Variants in JARID2 observed in about 807,000 individuals in gnomAD.
The protein encoded by JARID2 is protein Jumonji.
JARID2 carries 21 observed loss-of-function variants against 125.6 expected under a neutral mutation model. The ratio of observed to expected loss-of-function variants is 0.17; its 90% CI spans 0.12 to 0.24. The LOEUF (loss-of-function observed/expected upper bound fraction) is 0.24, where lower values mean the gene tolerates loss of function less well. JARID2 is among the 10% of genes least tolerant of loss of function. JARID2 has a pLI of 1.00. For missense variants in JARID2, 1,303 were observed against 1,639.6 expected (o/e 0.79, Z 3.55); for synonymous variants, 736 against 661.6 (o/e 1.11, Z -1.73).
intron 1 of JARID2, among the ~76,000 whole-genome samples, chr6:15,356,562 T>C (rs1022176604): frequency 6.6e-6 from 1 of 152,190 alleles, no homozygotes; most frequent in African/African-American, 2.4e-5. Flanking sequence ...ATTTTTTTTT[T>C]AGGCAAATTC....
At chr6:15,363,785 GA>G (rs1304243101) in intron 1 of JARID2, among the ~76,000 whole-genome samples, 43 of 152,176 alleles carry the variant, frequency 2.8e-4, no homozygotes, top group Non-Finnish European at 4.9e-4. Flanking sequence ...TTTTTGGAGG[GA>G]AAATGTGCAT....
chr6:15,478,163 CTCTT>C (rs1769440306), intron 5 of JARID2, among the ~76,000 whole-genome samples: 2 of 152,220 alleles, frequency 1.3e-5, no homozygotes, highest in Admixed American at 1.3e-4. Flanking sequence ...ACCTTCGTAA[CTCTT>C]TCTGTGACAG....
At chr6:15,339,871 C>T (rs965401605) in intron 1 of JARID2, among the ~76,000 whole-genome samples, 3 of 152,154 alleles carry the variant, frequency 2.0e-5, no homozygotes, top group African/African-American at 7.2e-5. Flanking sequence ...TGCTCCCATA[C>T]AAGGTTTCAT....
At chr6:15,324,583 TCTC>T (rs1260086995) in intron 1 of JARID2, 3 of 151,696 alleles carry the variant, frequency 2.0e-5, no homozygotes, top group African/African-American at 7.3e-5. Context: ...TTCAAGCAGT[TCTC>T]CTGTCTTGGC....
intron 1 of JARID2, among the ~76,000 whole-genome samples, chr6:15,340,610 C>A (rs1763034850): frequency 6.6e-6 from 1 of 152,114 alleles, no homozygotes; most frequent in Non-Finnish European, 1.5e-5. Context: ...TATATTGGGG[C>A]AGACTTTTAT....
Position 15,450,524 on chromosome 6 carries a change from C to A in JARID2, c.324-1482C>A, listed in dbSNP as rs531666325. On this transcript the variant is annotated intron_variant, in intron 3 of 17. Coordinates refer to ENST00000341776, the MANE Select transcript of JARID2 (RefSeq NM_004973.4). ...GAGTGGCATTGCATTATCCATCCTA[C>A]GTAGTGTTTGGGATTCTGATGAGGT... Among the ~76,000 whole-genome samples the A allele has an allele frequency of 2.0e-5, 3 of 152,262 alleles. No homozygotes were observed. In the East Asian group the frequency reaches 5.8e-4, roughly 29 times the overall value.
intron 5 of JARID2, among the ~76,000 whole-genome samples, chr6:15,479,837 G>A (rs2127702704): frequency 6.6e-6 from 1 of 152,290 alleles, no homozygotes; most frequent in Non-Finnish European, 1.5e-5. Flanking sequence ...TGGTGGAGCT[G>A]TTTTGGCCCA....
chr6:15,495,545 A>G (rs1770373757), intron 6 of JARID2, among the ~76,000 whole-genome samples: 1 of 152,190 alleles, frequency 6.6e-6, no homozygotes, highest in South Asian at 2.1e-4. Context: ...TGCCACCCGG[A>G]GCCAAACCAC....
At chr6:15,314,194 T>C (rs1188716187) in intron 1 of JARID2, among the ~76,000 whole-genome samples, 2 of 152,258 alleles carry the variant, frequency 1.3e-5, no homozygotes, top group Non-Finnish European at 2.9e-5. Flanking sequence ...CTGTGGCTCC[T>C]GTTTCCCCCA....
chr6:15,480,232 G>T (rs574537357), intron 5 of JARID2, among the ~76,000 whole-genome samples: 2 of 152,242 alleles, frequency 1.3e-5, no homozygotes, highest in East Asian at 3.9e-4. Flanking sequence ...GGTTAGTTCG[G>T]TCCCATCTTC....
At chr6:15,383,181 T>TC (rs1419500606) in intron 2 of JARID2, among the ~76,000 whole-genome samples, 1 of 151,988 alleles carries the variant, frequency 6.6e-6, no homozygotes, top group Non-Finnish European at 1.5e-5. Flanking sequence ...TTTTTTTTTT[T>TC]CTTTGAAACA....
At chr6:15,301,823 G>A (rs1761635312) in intron 1 of JARID2, among the ~76,000 whole-genome samples, 1 of 152,162 alleles carries the variant, frequency 6.6e-6, no homozygotes, top group Admixed American at 6.5e-5. Flanking sequence ...AGCTTGAGAA[G>A]GAAATGCCTG....
intron 4 of JARID2, among the ~76,000 whole-genome samples, chr6:15,462,031 A>G (rs570053250): frequency 6.6e-6 from 1 of 152,292 alleles, no homozygotes; most frequent in Admixed American, 6.5e-5. Flanking sequence ...TCTCTGCTAC[A>G]CAAATCCCTC....
At chr6:15,416,682 G>C (rs1397450914) in intron 3 of JARID2, among the ~76,000 whole-genome samples, 1 of 141,372 alleles carries the variant, frequency 7.1e-6, no homozygotes, top group Non-Finnish European at 1.5e-5. Context: ...ACCGTGGAAA[G>C]AGAGGGAGAG....
At chr6:15,340,968 G>C (rs1485084295) in intron 1 of JARID2, among the ~76,000 whole-genome samples, 2 of 152,144 alleles carry the variant, frequency 1.3e-5, no homozygotes, top group Admixed American at 1.3e-4. Flanking sequence ...CTCGAAGCAG[G>C]AAGCGGTGCT....
At chr6:15,390,137 G>C (rs1471311553) in intron 2 of JARID2, among the ~76,000 whole-genome samples, 1 of 152,154 alleles carries the variant, frequency 6.6e-6, no homozygotes, top group African/African-American at 2.4e-5. Flanking sequence ...ACAGTAAGGA[G>C]GAGGAACTTG....
At chr6:15,499,613 TC>T (rs1770633063) in intron 7 of JARID2, among the ~76,000 whole-genome samples, 1 of 152,096 alleles carries the variant, frequency 6.6e-6, no homozygotes, top group Non-Finnish European at 1.5e-5. Flanking sequence ...GAGGAAGAAC[TC>T]CCGATTGTCA....
chr6:15,303,969 G>T (rs189381479), intron 1 of JARID2, among the ~76,000 whole-genome samples: 1 of 152,270 alleles, frequency 6.6e-6, no homozygotes, highest in Non-Finnish European at 1.5e-5. Flanking sequence ...GTGATAATTC[G>T]TTTAAGCTGT....
At chr6:15,300,710 TGTGTG>T (rs1446853497) in intron 1 of JARID2, among the ~76,000 whole-genome samples, 3 of 141,036 alleles carry the variant, frequency 2.1e-5, no homozygotes, top group African/African-American at 8.3e-5. Context: ...TGTGTGTGTG[TGTGTG>T]TGTGTGTGAG....
Sources: allele counts gnomAD v4.1 joint callset (sites outside exome capture counted in the v4.1 genomes callset), GRCh38; gene constraint gnomAD v4.1.1; transcripts MANE v1.5; gene names NCBI Gene and HGNC (gene_info 2026-07-23, HGNC 2026-07-21).